CSGALNACT1: variants seen among roughly 807,000 people sequenced by gnomAD.
CSGALNACT1 encodes beta4GalNAcT-1.
CSGALNACT1 carries 52 observed loss-of-function variants against 51.0 expected under a neutral mutation model. That is an observed-to-expected ratio of 1.02 (90% CI 0.82 to 1.29). The LOEUF is 1.29. Ranked by LOEUF, CSGALNACT1 falls within the 50% of genes most tolerant of loss-of-function variation. The probability of loss-of-function intolerance (pLI) is 0.00; values close to 1 mark genes in which losing one functional copy is unlikely to be tolerated. For missense variants in CSGALNACT1, 935 were observed against 679.2 expected (o/e 1.38, Z -4.19); for synonymous variants, 341 against 254.4 (o/e 1.34, Z -3.24).
upstream of CSGALNACT1, among the ~76,000 whole-genome samples, chr8:19,603,079 C>T (rs2050790718): frequency 7.5e-6 from 1 of 133,400 alleles, no homozygotes; most frequent in Non-Finnish European, 1.5e-5. Context: ...CACACACACA[C>T]ACACACACAG....
intron 2 of CSGALNACT1, among the ~76,000 whole-genome samples, chr8:19,594,764 C>T (rs1404668794): frequency 6.6e-6 from 1 of 151,712 alleles, no homozygotes; most frequent in Non-Finnish European, 1.5e-5. Context: ...GTCAGCCAGG[C>T]TGGTCTCGAA....
chr8:19,743,496 T>G (rs971779207), intron 1 of CSGALNACT1, among the ~76,000 whole-genome samples: 3 of 152,212 alleles, frequency 2.0e-5, no homozygotes, highest in Non-Finnish European at 4.4e-5. Flanking sequence ...TTTGGCCCTA[T>G]ACAGACAAAA....
At chr8:19,700,109 CT>C (rs2061780346) in intron 1 of CSGALNACT1, among the ~76,000 whole-genome samples, 1 of 90,528 alleles carries the variant, frequency 1.1e-5, no homozygotes, top group East Asian at 3.6e-4. Context: ...GAGACTCCGT[CT>C]CAAAAAAAAA....
intron 1 of CSGALNACT1, among the ~76,000 whole-genome samples, chr8:19,628,338 T>C (rs774129975): frequency 6.6e-6 from 1 of 152,198 alleles, no homozygotes; most frequent in Non-Finnish European, 1.5e-5. Context: ...CAAGGGAAAC[T>C]GCCACTTTTA....
rs1554650175 is a variant in CSGALNACT1, at chr8:19,513,436, C to CTATATATATATATATA, written c.-296-7322_-296-7307dup. ...TCTCACTCTCTCTCTCTCTCTCTCTCTATATATATATATATATATATATAT... is the reference window on the plus strand; with the variant it reads ...TCTCACTCTCTCTCTCTCTCTCTCTCTATATATATATATATATATATATATATATATATATATATAT... On this transcript the variant is annotated intron_variant, in intron 3 of 9. Coordinates refer to ENST00000454498, the Ensembl canonical transcript of CSGALNACT1. Among the ~76,000 whole-genome samples the CTATATATATATATATA allele has an allele frequency of 6.0e-3, 489 of 81,848 alleles. 9 individuals carry two copies. The highest frequency in any genetic ancestry group is 8.4e-3 in the Non-Finnish European group (328 of 38,932). The allele number at this position is 81,848 out of a possible 152,430, so 53.7% of individuals were successfully genotyped here.
chr8:19,440,011 G>T, intron 5 of CSGALNACT1, 80 bp from the exon 5 acceptor site: 2 of 1,164,198 alleles, frequency 1.7e-6, no homozygotes, highest in Non-Finnish European at 2.6e-6. Context: ...TTTTTGTAAA[G>T]TGCAAAAGGG....
At chr8:19,654,451 C>G (rs2058087284) in intron 1 of CSGALNACT1, among the ~76,000 whole-genome samples, 1 of 152,212 alleles carries the variant, frequency 6.6e-6, no homozygotes, top group South Asian at 2.1e-4. Flanking sequence ...ACAGCAGCCC[C>G]AACTCCTTAA....
In CSGALNACT1 at chr8:19,617,626, C is replaced by G. The variant is rs189227204; in HGVS notation, c.-543-15761G>C. ...ACCACTGCTAGAAAAAAGAATGTGC[C>G]AAGTGCCCCAGGATAATTCTGAACA... On this transcript the variant is annotated intron_variant, in intron 1 of 9. Coordinates refer to the CSGALNACT1 transcript ENST00000332246. Among the ~76,000 whole-genome samples, 722 of 152,242 alleles carry G rather than the reference C, an allele frequency of 4.7e-3. 5 individuals are homozygous for G. The highest frequency in any genetic ancestry group is 0.016 in the African/African-American group (675 of 41,534).
intron 1 of CSGALNACT1, among the ~76,000 whole-genome samples, chr8:19,727,727 T>C (rs1189101444): frequency 6.6e-6 from 1 of 152,062 alleles, no homozygotes; most frequent in Non-Finnish European, 1.5e-5. Flanking sequence ...CCTCCCTTTT[T>C]CCCTAACACC....
At chr8:19,561,550 G>A (rs1444300034) in intron 3 of CSGALNACT1, among the ~76,000 whole-genome samples, 1 of 152,162 alleles carries the variant, frequency 6.6e-6, no homozygotes, top group African/African-American at 2.4e-5. Flanking sequence ...ATCTAACTGT[G>A]GCTTATACCT....
intron 3 of CSGALNACT1, among the ~76,000 whole-genome samples, chr8:19,545,189 C>G (rs2086184966): frequency 6.6e-6 from 1 of 152,130 alleles, no homozygotes; most frequent in African/African-American, 2.4e-5. Context: ...TTGCCTGTCA[C>G]CAGGGAGGCC....
At chr8:19,514,827 C>T (rs1052839899) in intron 3 of CSGALNACT1, among the ~76,000 whole-genome samples, 20 of 151,572 alleles carry the variant, frequency 1.3e-4, no homozygotes, top group African/African-American at 3.4e-4. Context: ...AGTGAAACTC[C>T]GTCTCCAAAA....
intron 1 of CSGALNACT1, among the ~76,000 whole-genome samples, chr8:19,620,208 G>A (rs1045856625): frequency 2.0e-5 from 3 of 150,994 alleles, no homozygotes; most frequent in East Asian, 2.0e-4. Flanking sequence ...CCAGTTACTC[G>A]GGAGGCTGAG....
At chr8:19,590,861 G>C (rs1160249161) in intron 3 of CSGALNACT1, among the ~76,000 whole-genome samples, 2 of 151,908 alleles carry the variant, frequency 1.3e-5, no homozygotes, top group Non-Finnish European at 2.9e-5. Flanking sequence ...ATGTTGGCCA[G>C]GCTGGTTTTG....
chr8:19,415,037 C>T lies in CSGALNACT1; in HGVS notation c.1227+3619G>A, dbSNP rs375381597. Among the ~76,000 whole-genome samples the T allele has an allele frequency of 2.0e-5, 3 of 152,202 alleles. No individual in the cohort carries two copies. The South Asian group carries it at 6.2e-4, about 31-fold the overall frequency. ...TTCTCCTTTGGAATTTTTGTCAAGA[C>T]TTTTCCTTCATACGTCAGTTCTCAT... On this transcript the variant is annotated intron_variant, in intron 8 of 9. Transcript: ENST00000454498.
At chr8:19,471,053 A>G (rs7006155) in intron 4 of CSGALNACT1, among the ~76,000 whole-genome samples, 88,231 of 151,560 alleles carry the variant, frequency 0.58, 26,129 homozygotes, top group East Asian at 0.86. Context: ...CCAAGATCAC[A>G]CCACTGCACT....
chr8:19,529,775 C>T (rs1393669045), intron 3 of CSGALNACT1, among the ~76,000 whole-genome samples: 2 of 152,118 alleles, frequency 1.3e-5, no homozygotes, highest in Non-Finnish European at 2.9e-5. Context: ...CAAAATGGTG[C>T]AGTACTTGTG....
intron 6 of CSGALNACT1, among the ~76,000 whole-genome samples, chr8:19,422,309 C>T (rs1446860169): frequency 6.6e-6 from 1 of 152,132 alleles, no homozygotes; most frequent in Non-Finnish European, 1.5e-5. Context: ...CTTCTCTCAG[C>T]CAAGTCCCAA....
chr8:19,512,673 G>C (rs997465145), intron 3 of CSGALNACT1, among the ~76,000 whole-genome samples: 1 of 152,042 alleles, frequency 6.6e-6, no homozygotes, highest in Non-Finnish European at 1.5e-5. Flanking sequence ...GAAGTTATGC[G>C]ACTTGTCTAA....
Sources: allele counts gnomAD v4.1 joint callset (sites outside exome capture counted in the v4.1 genomes callset), GRCh38; gene constraint gnomAD v4.1.1; transcripts MANE v1.5; gene names NCBI Gene and HGNC (gene_info 2026-07-23, HGNC 2026-07-21).